The following CADM2 variants were observed in gnomAD, a reference collection of about 807,000 sequenced individuals.
CADM2 encodes cell adhesion molecule 2.
In CADM2, 12 loss-of-function variants were observed where a neutral mutation model predicts 49.8. The observed-to-expected ratio is 0.24, with a 90% CI of 0.15 to 0.39. The LOEUF (loss-of-function observed/expected upper bound fraction) is 0.39, where lower values mean the gene tolerates loss of function less well. Ranked by LOEUF, CADM2 falls within the 10% of genes least tolerant of loss-of-function variation. The probability of loss-of-function intolerance (pLI) is 1.00; values close to 1 mark genes in which losing one functional copy is unlikely to be tolerated. For missense variants in CADM2, 378 were observed against 492.3 expected (o/e 0.77, Z 2.20); for synonymous variants, 214 against 175.4 (o/e 1.22, Z -1.74).
chr3:85,989,909 A>G (rs1027196519), intron 8 of CADM2, among the ~76,000 whole-genome samples: 1 of 146,292 alleles, frequency 6.8e-6, no homozygotes, highest in Non-Finnish European at 1.5e-5. Flanking sequence ...GCTACTCAGG[A>G]GGCTGAGGCA....
intron 8 of CADM2, among the ~76,000 whole-genome samples, chr3:86,054,060 T>G (rs1737639519): frequency 6.6e-6 from 1 of 152,004 alleles, no homozygotes; most frequent in Non-Finnish European, 1.5e-5. Flanking sequence ...AACAGCAAGA[T>G]GGGAGTGATT....
chr3:85,195,435 C>G (rs753575577), intron 1 of CADM2, among the ~76,000 whole-genome samples: 2 of 151,974 alleles, frequency 1.3e-5, no homozygotes, highest in Non-Finnish European at 2.9e-5. Context: ...TATGAAACCT[C>G]TGTGTCTCCC....
intron 1 of CADM2, among the ~76,000 whole-genome samples, chr3:85,120,465 G>A (rs2038815163): frequency 6.6e-6 from 1 of 152,134 alleles, no homozygotes; most frequent in Non-Finnish European, 1.5e-5. Context: ...AGAAAATGTG[G>A]CACATATACA....
In CADM2 at chr3:85,265,546, C is replaced by T. The variant is rs181735583; in HGVS notation, c.61+305878C>T. On this transcript the variant is annotated intron_variant, in intron 1 of 9. Transcript: ENST00000383699. Reference sequence around the variant, plus strand: ...TATAACAAATCCATTCCCGGAGTAACAAATCCAGTCCCTCAAAATGGACAT... The same window carrying T: ...TATAACAAATCCATTCCCGGAGTAATAAATCCAGTCCCTCAAAATGGACAT... Among the ~76,000 whole-genome samples the T allele has an allele frequency of 1.7e-3, 255 of 151,982 alleles. 1 individual carries two copies. Among genetic ancestry groups the T allele is most frequent in the African/African-American group, 5.9e-3 (245 of 41,518 alleles).
At chr3:86,027,775 G>T (rs959974887) in intron 8 of CADM2, 1 of 151,852 alleles carries the variant, frequency 6.6e-6, no homozygotes, top group Middle Eastern at 3.2e-3. Context: ...TAAAAGTATT[G>T]CTCTTTATAA....
At chr3:85,138,807 G>T (rs2039493610) in intron 1 of CADM2, among the ~76,000 whole-genome samples, 1 of 152,130 alleles carries the variant, frequency 6.6e-6, no homozygotes, top group African/African-American at 2.4e-5. Context: ...GTGTCATTTT[G>T]CCCAACACGT....
At chr3:85,586,877 T>G (rs2107322088) in intron 1 of CADM2, among the ~76,000 whole-genome samples, 1 of 152,178 alleles carries the variant, frequency 6.6e-6, no homozygotes, top group African/African-American at 2.4e-5. Context: ...GTAGGCCTAA[T>G]GTTTTTCCAC....
At chr3:85,423,738 C>G (rs1200471789) in intron 1 of CADM2, among the ~76,000 whole-genome samples, 4 of 152,182 alleles carry the variant, frequency 2.6e-5, no homozygotes, top group Non-Finnish European at 5.9e-5. Context: ...CAACAGCATG[C>G]ACGTCTCATT....
chr3:85,482,855 A>G (rs1353028034), intron 1 of CADM2, among the ~76,000 whole-genome samples: 1 of 151,680 alleles, frequency 6.6e-6, no homozygotes, highest in Non-Finnish European at 1.5e-5. Context: ...AATTTTATTT[A>G]AAAATAATAG....
At position 85,291,620 on chromosome 3, in the gene CADM2, T is replaced by A. The variant is rs918710394; in HGVS notation, c.61+331952T>A. On this transcript the variant is annotated intron_variant, in intron 1 of 9. Coordinates refer to ENST00000383699, the MANE Select transcript of CADM2 (RefSeq NM_001167675.2). ...AGAAACCCTACAAGCCAGAAGAGAGTGGGGGCCAATATTCAACATTCTTAA... is the reference window on the plus strand; with the variant it reads ...AGAAACCCTACAAGCCAGAAGAGAGAGGGGGCCAATATTCAACATTCTTAA... 5.2e-3 allele frequency among the ~76,000 whole-genome samples: 749 copies of A among 145,008 alleles called. 27 individuals are homozygous for A. The highest frequency in any genetic ancestry group is 0.02 in the African/African-American group (712 of 35,772).
intron 8 of CADM2, among the ~76,000 whole-genome samples, chr3:86,004,671 A>T (rs1730572895): frequency 1.3e-5 from 2 of 152,262 alleles, no homozygotes; most frequent in African/African-American, 4.8e-5. Flanking sequence ...AAGAAAAATT[A>T]TCCCTGCTGC....
intron 2 of CADM2, among the ~76,000 whole-genome samples, chr3:85,756,209 A>C (rs1162948242): frequency 1.3e-5 from 2 of 152,118 alleles, no homozygotes; most frequent in African/African-American, 4.8e-5. Flanking sequence ...TTAATGGTCT[A>C]TATGTCTGGA....
At chr3:84,988,073 A>G (rs910679216) in intron 1 of CADM2, among the ~76,000 whole-genome samples, 5 of 152,212 alleles carry the variant, frequency 3.3e-5, no homozygotes, top group Admixed American at 2.6e-4. Context: ...GACTTGCTTT[A>G]GTAGCACTCT....
At chr3:85,862,749 C>T in intron 3 of CADM2, among the ~76,000 whole-genome samples, 1 of 151,992 alleles carries the variant, frequency 6.6e-6, no homozygotes, top group East Asian at 1.9e-4. Context: ...TTTAGTAACC[C>T]AGGTAAGGTA....
rs1338206056 is a variant in CADM2 at position 85,917,415 on chromosome 3, T to A, written c.700+4872T>A. Among the ~76,000 whole-genome samples the A allele has an allele frequency of 2.2e-5, 3 of 136,390 alleles. No homozygotes were observed. In the Admixed American group the frequency reaches 2.3e-4, roughly 11 times the overall value. 89.5% of individuals were successfully genotyped at this position (136,390 alleles called of 152,430 possible). On this transcript the variant is annotated intron_variant, in intron 6 of 9. Transcript: ENST00000383699. ...AGCCAGTTTTCCCGGCACCATTTAT[T>A]AAATAGGGAATCCCTTCCCCATTTC...
chr3:85,426,716 C>G (rs2036423843), intron 1 of CADM2, among the ~76,000 whole-genome samples: 1 of 151,906 alleles, frequency 6.6e-6, no homozygotes, highest in East Asian at 1.9e-4. Flanking sequence ...CAAATGCAGA[C>G]TATCTTTTAA....
chr3:85,467,695 C>G (rs1414604608), intron 1 of CADM2, among the ~76,000 whole-genome samples: 2 of 152,050 alleles, frequency 1.3e-5, no homozygotes, highest in African/African-American at 4.8e-5. Context: ...ATAGTGTTTT[C>G]TCCCATATTG....
chr3:85,489,426 A>G (rs1481228125), intron 1 of CADM2, among the ~76,000 whole-genome samples: 1 of 152,184 alleles, frequency 6.6e-6, no homozygotes, highest in Non-Finnish European at 1.5e-5. Flanking sequence ...AGGTATTACA[A>G]GTTTTCATTT....
chr3:85,201,848 C>T (rs1013779094), intron 1 of CADM2, among the ~76,000 whole-genome samples: 5 of 151,954 alleles, frequency 3.3e-5, no homozygotes, highest in East Asian at 3.9e-4. Flanking sequence ...TTTGGGAGGC[C>T]GAGGAGGGCG....
Sources: allele counts gnomAD v4.1 joint callset (sites outside exome capture counted in the v4.1 genomes callset), GRCh38; gene constraint gnomAD v4.1.1; transcripts MANE v1.5; gene names NCBI Gene and HGNC (gene_info 2026-07-23, HGNC 2026-07-21).